ZNF83: variants seen among roughly 807,000 people sequenced by gnomAD.
The protein encoded by ZNF83 is zinc finger protein 816B.
For synonymous variants in ZNF83, 209 were observed against 213.0 expected (o/e 0.98, Z 0.17); for missense variants, 552 against 629.9 (o/e 0.88, Z 1.32).
rs375688777 is a variant in ZNF83 at position 52,643,386 on chromosome 19, T to A, written c.-73-8233A>T. On this transcript the variant is annotated intron_variant, in intron 3 of 5. Transcript: ENST00000594682. Reference sequence around the variant, plus strand: ...AAAAAAAAAAAAAAGGCATTAACGATGTGAGTGATGCAGAGATAAAAATCC... The same window carrying A: ...AAAAAAAAAAAAAAGGCATTAACGAAGTGAGTGATGCAGAGATAAAAATCC... Among the ~76,000 whole-genome samples the A allele has an allele frequency of 3.4e-5, 5 of 146,496 alleles. No homozygotes were observed. The East Asian group carries it at 9.9e-4, about 29-fold the overall frequency.
At chr19:52,661,433 C>T (rs1457822271) in intron 1 of ZNF83, among the ~76,000 whole-genome samples, 1 of 152,136 alleles carries the variant, frequency 6.6e-6, no homozygotes, top group African/African-American at 2.4e-5. Context: ...GAGCACAGCC[C>T]CCTCACCTCC....
intron 2 of ZNF83, chr19:52,618,921 G>T (rs761033383): frequency 1.3e-6 from 2 of 1,547,554 alleles, no homozygotes; most frequent in Admixed American, 3.5e-5. Flanking sequence ...ACTTCTGGAG[G>T]GAAGTTATCC....
At chr19:52,644,614 A>G (rs1216330090) in intron 3 of ZNF83, among the ~76,000 whole-genome samples, 2 of 152,214 alleles carry the variant, frequency 1.3e-5, no homozygotes, top group Non-Finnish European at 2.9e-5. Context: ...AGAAAATCAC[A>G]GTAACATTTA....
At chr19:52,639,518 AC>A (rs2061266423), upstream of ZNF83, among the ~76,000 whole-genome samples, 1 of 137,806 alleles carries the variant, frequency 7.3e-6, no homozygotes, top group Non-Finnish European at 1.5e-5. Context: ...CCTGGGTTGA[AC>A]CGATTTTCCT....
chr19:52,652,703 CTT>C (rs1158476712), intron 3 of ZNF83: 1 of 652,334 alleles, frequency 1.5e-6, no homozygotes, highest in Non-Finnish European at 2.8e-6. Context: ...TTACTGAGGA[CTT>C]TGTGAGAATC....
intron 1 of ZNF83, among the ~76,000 whole-genome samples, chr19:52,666,236 T>C (rs1281339952): frequency 7.7e-6 from 1 of 129,146 alleles, no homozygotes; most frequent in Non-Finnish European, 1.7e-5. Flanking sequence ...AAAAAGGGAG[T>C]CAAAGAGAGA....
At chr19:52,618,694 G>T in intron 2 of ZNF83, 2 of 711,030 alleles carry the variant, frequency 2.8e-6, no homozygotes, top group Non-Finnish European at 4.2e-6. Context: ...ACCACGCCTT[G>T]CCAGCCATAA....
At chr19:52,678,859 C>G (rs2061861733) in intron 1 of ZNF83, among the ~76,000 whole-genome samples, 1 of 151,736 alleles carries the variant, frequency 6.6e-6, no homozygotes, top group African/African-American at 2.4e-5. Flanking sequence ...CCTGTAATCC[C>G]AGCTACTCAG....
At position 52,676,826 on chromosome 19, in the gene ZNF83, C is replaced by T. The variant is rs555973647; in HGVS notation, c.-283+13617G>A. On this transcript the variant is annotated intron_variant, in intron 1 of 5. Coordinates refer to the ZNF83 transcript ENST00000594682. Reference sequence around the variant, plus strand: ...GGGATCCTGTTGATCTGTGACCTTACCCCCAACCCGGTGCTCTCTGAAACA... The same window carrying T: ...GGGATCCTGTTGATCTGTGACCTTATCCCCAACCCGGTGCTCTCTGAAACA... 9.1e-5 allele frequency among the ~76,000 whole-genome samples: 12 copies of T among 132,008 alleles called. No individual in the cohort carries two copies. In the East Asian group the frequency reaches 1.0e-3, roughly 12 times the overall value. The allele number at this position is 132,008 out of a possible 152,430, so 86.6% of individuals were successfully genotyped here. A position where few individuals can be genotyped will look rare whatever the true frequency, so the allele number is the denominator to read the frequency against.
chr19:52,663,722 C>G (rs777278989), intron 1 of ZNF83, among the ~76,000 whole-genome samples: 5 of 152,052 alleles, frequency 3.3e-5, no homozygotes, highest in Non-Finnish European at 7.4e-5. Context: ...CTAAACTGAA[C>G]ACAATAAATT....
chr19:52,634,971 G>A (rs1480744371), intron 2 of ZNF83, 95 bp downstream of exon 2: 85 of 609,442 alleles, frequency 1.4e-4, no homozygotes, highest in Non-Finnish European at 1.6e-4. Context: ...TGTCAGGCAG[G>A]ACACTTCTTG....
chr19:52,621,254 G>A (rs558307379), intron 2 of ZNF83, among the ~76,000 whole-genome samples: 2 of 152,264 alleles, frequency 1.3e-5, no homozygotes, highest in South Asian at 4.1e-4. Context: ...TGGGTAAGTG[G>A]TCTTTTTACT....
In ZNF83 at chr19:52,681,280, C is replaced by CAAAAAAA. The variant is rs56916405; in HGVS notation, c.-283+9156_-283+9162dup. On this transcript the variant is annotated intron_variant, in intron 1 of 5. Transcript: ENST00000594682. The stretch of plus-strand genomic sequence containing the variant: ...CCTGGGTGACAGAGTGAGACTTTCT[C>CAAAAAAA]AAAAAAAAAAAAAAAAAAAAAGCAA... Among the ~76,000 whole-genome samples, 547 of 75,324 alleles carry CAAAAAAA rather than the reference C, an allele frequency of 7.3e-3. 21 individuals carry two copies. The highest frequency in any genetic ancestry group is 0.013 in the African/African-American group (275 of 21,092). 49.4% of individuals were successfully genotyped at this position (75,324 alleles called of 152,430 possible).
intron 1 of ZNF83, among the ~76,000 whole-genome samples, chr19:52,683,826 C>T (rs12052126): frequency 0.11 from 16,939 of 152,144 alleles, 1,310 homozygotes; most frequent in East Asian, 0.39. Context: ...TCCGAGGACA[C>T]CTCAGCATCT....
intron 1 of ZNF83, among the ~76,000 whole-genome samples, chr19:52,673,500 T>TCA (rs3055356): frequency 0.25 from 36,683 of 148,700 alleles, 4,652 homozygotes; most frequent in Non-Finnish European, 0.29. Flanking sequence ...TGTAACTCCA[T>TCA]CACACACACA....
At chr19:52,676,469 G>T (rs115678992) in intron 1 of ZNF83, among the ~76,000 whole-genome samples, 2 of 151,562 alleles carry the variant, frequency 1.3e-5, no homozygotes, top group African/African-American at 4.9e-5. Context: ...AGCCTGCCCC[G>T]GCCCGGCTAG....
chr19:52,646,404 C>T (rs472389), intron 3 of ZNF83, among the ~76,000 whole-genome samples: 77,308 of 151,766 alleles, frequency 0.51, 20,386 homozygotes, highest in East Asian at 0.71. Flanking sequence ...ACAAAACTAG[C>T]TGGGATTGGT....
chr19:52,660,763 T>C (rs774415679), exon 2 of ZNF83: 34 of 212,314 alleles, frequency 1.6e-4, no homozygotes, highest in Non-Finnish European at 3.0e-4. Context: ...TCACTTTACC[T>C]GAGGAAGAGC....
At chr19:52,665,329 T>C (rs1200057055) in intron 1 of ZNF83, among the ~76,000 whole-genome samples, 1 of 151,798 alleles carries the variant, frequency 6.6e-6, no homozygotes, top group Non-Finnish European at 1.5e-5. Context: ...GGTAGGAGGA[T>C]AGCTGAGCTG....
Sources: gnomAD v4.1 joint callset for allele counts (sites outside exome capture counted in the v4.1 genomes callset) on GRCh38, gnomAD v4.1.1 for gene constraint, MANE v1.5 for transcripts, NCBI Gene and HGNC (gene_info 2026-07-23, HGNC 2026-07-21) for gene names.